The following HLCS variants were observed in gnomAD, a reference collection of about 807,000 sequenced individuals.
The protein encoded by HLCS is holocarboxylase synthetase, also known as biotin--protein ligase.
In HLCS, 53 loss-of-function variants were observed where a neutral mutation model predicts 75.0. The ratio of observed to expected loss-of-function variants is 0.71; its 90% CI spans 0.57 to 0.89. The LOEUF (loss-of-function observed/expected upper bound fraction) is 0.89. Ranked by LOEUF, HLCS falls within the 40% of genes least tolerant of loss-of-function variation. The pLI, the probability that HLCS is intolerant of heterozygous loss-of-function variation, is 0.00. For synonymous variants in HLCS, 431 were observed against 428.6 expected, an observed-to-expected ratio of 1.01 and a Z score of -0.07; for missense variants, 966 against 1,074.0, an observed-to-expected ratio of 0.90 and a Z score of 1.41.
In HLCS at chr21:36,842,892, C is replaced by T. The variant is rs943571663; in HGVS notation, c.1892+53968G>A. 6.6e-6 allele frequency among the ~76,000 whole-genome samples: 1 copy of T among 152,182 alleles called. No individual in the cohort carries two copies. Among genetic ancestry groups the T allele is most frequent in the African/African-American group, 2.4e-5 (1 of 41,446 alleles). ...GCCTAACCAGCAGGATGAGGGGCCC[C>T]GGGCCAGGGAGCAACATCCTCTCTC... On this transcript the variant is annotated intron_variant, in intron 6 of 10. Transcript: ENST00000674895. This position sits in a 1 kb window ranked among gnomAD's most constrained non-coding sequence, Gnocchi z 4.2.
upstream of HLCS, among the ~76,000 whole-genome samples, chr21:36,970,717 G>A (rs912356428): frequency 6.6e-6 from 1 of 151,968 alleles, no homozygotes; most frequent in Non-Finnish European, 1.5e-5. Flanking sequence ...TCTTCGCCGG[G>A]CACAGTGGCT....
intron 9 of HLCS, chr21:36,759,066 T>C: frequency 2.1e-6 from 1 of 470,576 alleles, no homozygotes; most frequent in Non-Finnish European, 4.4e-6. Flanking sequence ...GTGGCAGAGC[T>C]GGTAACACAG....
At chr21:36,824,378 G>T (rs2061943402) in intron 6 of HLCS, among the ~76,000 whole-genome samples, 1 of 152,112 alleles carries the variant, frequency 6.6e-6, no homozygotes, top group Non-Finnish European at 1.5e-5. Context: ...CTCACAAGTA[G>T]GAGCTCAACA....
intron 6 of HLCS, among the ~76,000 whole-genome samples, chr21:36,798,142 C>T (rs1287815530): frequency 2.0e-5 from 3 of 152,088 alleles, no homozygotes; most frequent in African/African-American, 7.2e-5. Context: ...GAGGTAGTAG[C>T]GTGTGCTTGA....
chr21:36,982,718 C>T (rs997073928), intron 1 of HLCS, among the ~76,000 whole-genome samples: 5 of 152,104 alleles, frequency 3.3e-5, no homozygotes, highest in African/African-American at 7.2e-5. Flanking sequence ...AGGACAATGC[C>T]AGGGGTGTCA....
At chr21:36,893,086 T>C (rs1342356187) in intron 6 of HLCS, among the ~76,000 whole-genome samples, 1 of 152,116 alleles carries the variant, frequency 6.6e-6, no homozygotes, top group African/African-American at 2.4e-5. Context: ...CCACTTTTTT[T>C]TGAGATGGGA....
At chr21:36,764,448 A>C (rs543279032) in intron 8 of HLCS, among the ~76,000 whole-genome samples, 21 of 152,100 alleles carry the variant, frequency 1.4e-4, no homozygotes, top group African/African-American at 5.1e-4. Context: ...TCATGCCTAT[A>C]ATCCCAGAAC....
intron 6 of HLCS, among the ~76,000 whole-genome samples, chr21:36,847,796 C>A (rs2146123206): frequency 6.6e-6 from 1 of 152,216 alleles, no homozygotes; most frequent in South Asian, 2.1e-4. Context: ...CAGAAAATTG[C>A]AGAGATAAGG....
Position 36,896,946 on chromosome 21 carries a change from G to A in HLCS, c.1806C>T (p.Ile602=), listed in dbSNP as rs1240730503. 6.2e-7 allele frequency: 1 copy of A among 1,614,162 alleles called. No individual in the cohort carries two copies. Among genetic ancestry groups the A allele is most frequent in the Non-Finnish European group, 8.5e-7 (1 of 1,180,028 alleles). The change falls in exon 6 of 11, where the codon ATC becomes ATT. Residue 602 remains isoleucine (I), a synonymous_variant. Transcript: ENST00000674895. The part of the protein sequence containing the change: ...AFSSEHFNLE[I]YRQNLQTKQL... ...GCTTGGTCTGCAGATTTTGGCGATA[G>A]ATCTCTAAGTTGAAATGTTCTGATG...
At chr21:36,893,719 G>C (rs1206512140) in intron 6 of HLCS, among the ~76,000 whole-genome samples, 1 of 152,206 alleles carries the variant, frequency 6.6e-6, no homozygotes, top group East Asian at 1.9e-4. Flanking sequence ...TGATCTGACA[G>C]GGGGCGGGGC....
At chr21:36,847,558 C>A (rs944154094) in intron 6 of HLCS, among the ~76,000 whole-genome samples, 7 of 152,162 alleles carry the variant, frequency 4.6e-5, no homozygotes, top group African/African-American at 1.7e-4. Flanking sequence ...AAAAAAAGTT[C>A]TCCAAAGTAA....
chr21:36,939,142 T>G, intron 2 of HLCS, 148 bp from the exon 3 acceptor site: 1 of 720,940 alleles, frequency 1.4e-6, no homozygotes, highest in Non-Finnish European at 2.2e-6. Context: ...TACATTTTAC[T>G]AATATCAGAG....
chr21:36,984,058 C>T (rs776579944), intron 1 of HLCS, among the ~76,000 whole-genome samples: 4 of 152,030 alleles, frequency 2.6e-5, no homozygotes, highest in Admixed American at 6.6e-5. Flanking sequence ...AGGCTGGTCT[C>T]GAACTCCTGG....
chr21:36,806,683 C>T (rs539117077), intron 6 of HLCS, among the ~76,000 whole-genome samples: 19 of 152,212 alleles, frequency 1.2e-4, no homozygotes, highest in African/African-American at 4.1e-4. Context: ...AGGAATGGGA[C>T]GAGGTAGGGG....
intron 6 of HLCS, among the ~76,000 whole-genome samples, chr21:36,833,250 A>T (rs2062278187): frequency 6.7e-6 from 1 of 150,352 alleles, no homozygotes; most frequent in Admixed American, 6.6e-5. Context: ...CTGGTTCTTG[A>T]ACTCCTGGGC....
chr21:36,870,954 T>C (rs1282066984), intron 6 of HLCS, among the ~76,000 whole-genome samples: 3 of 152,196 alleles, frequency 2.0e-5, no homozygotes, highest in Admixed American at 2.0e-4. Context: ...TTTTGAGCAA[T>C]TATAGAGTAA....
intron 6 of HLCS, among the ~76,000 whole-genome samples, chr21:36,858,840 T>C (rs2063290203): frequency 6.6e-6 from 1 of 152,170 alleles, no homozygotes; most frequent in South Asian, 2.1e-4. Context: ...AGAGGCTAAA[T>C]GACCCAAATT....
intron 6 of HLCS, among the ~76,000 whole-genome samples, chr21:36,782,787 A>G (rs1021638416): frequency 6.6e-6 from 1 of 152,044 alleles, no homozygotes; most frequent in Non-Finnish European, 1.5e-5. Flanking sequence ...TGGCCAACAT[A>G]GTGAAACCCC....
At chr21:36,916,850 G>A (rs1440354209) in intron 5 of HLCS, among the ~76,000 whole-genome samples, 2 of 152,052 alleles carry the variant, frequency 1.3e-5, no homozygotes, top group African/African-American at 4.8e-5. Flanking sequence ...TACTCCCCGG[G>A]CCAAGTAGAA....
Sources: allele counts gnomAD v4.1 joint callset (sites outside exome capture counted in the v4.1 genomes callset), GRCh38; gene constraint gnomAD v4.1.1; non-coding constraint Gnocchi (gnomAD v3.1); transcripts MANE v1.5; gene names NCBI Gene and HGNC (gene_info 2026-07-23, HGNC 2026-07-21).